Variants in GABBR2 observed in about 807,000 individuals in gnomAD.
GABBR2 encodes the protein G-protein coupled receptor 51.
GABBR2 carries 23 observed loss-of-function variants against 105.6 expected under a neutral mutation model. The observed-to-expected ratio is 0.22, with a 90% CI of 0.16 to 0.31. The LOEUF (loss-of-function observed/expected upper bound fraction) is 0.31. GABBR2 is among the 10% of genes least tolerant of loss of function. The pLI, the probability that GABBR2 is intolerant of heterozygous loss-of-function variation, is 1.00. For missense variants in GABBR2, 734 were observed against 1,245.5 expected, an observed-to-expected ratio of 0.59 and a Z score of 6.18; for synonymous variants, 478 against 499.7, an observed-to-expected ratio of 0.96 and a Z score of 0.58.
chr9:98,396,037 A>G (rs1019351783), intron 8 of GABBR2, among the ~76,000 whole-genome samples: 1 of 152,198 alleles, frequency 6.6e-6, no homozygotes, highest in Non-Finnish European at 1.5e-5. Flanking sequence ...CTAGGGCCCC[A>G]GTGGTAATAA....
intron 1 of GABBR2, among the ~76,000 whole-genome samples, chr9:98,706,100 CAAAAAAAACAAAAAA>C (rs1830889044): frequency 2.2e-4 from 7 of 31,268 alleles, no homozygotes; most frequent in Non-Finnish European, 4.8e-4. Flanking sequence ...CAAAACAAAA[CAAAAAAAACAAAAAA>C]AAAAAAAAAA....
intron 1 of GABBR2, among the ~76,000 whole-genome samples, chr9:98,672,404 A>G (rs922115758): frequency 1.3e-5 from 2 of 152,252 alleles, no homozygotes; most frequent in Non-Finnish European, 2.9e-5. Context: ...TTAAGTGAGA[A>G]CACAGAAATA....
rs560909596 is a variant in GABBR2 at position 98,659,274 on chromosome 9, A to AT, written c.321+49142dup. On this transcript the variant is annotated intron_variant, in intron 1 of 18. Transcript: ENST00000259455. ...AGTTCTCCCTTTTGCATATTTTACA[A>AT]TTTTCCAGCTGAGCTATTTATTTTA... Among the ~76,000 whole-genome samples the AT allele has an allele frequency of 2.6e-4, 40 of 152,218 alleles. 2 individuals carry two copies. The South Asian group carries it at 8.1e-3, about 31-fold the overall frequency.
Position 98,454,175 on chromosome 9 carries a change from C to T in GABBR2, c.1042G>A (p.Gly348Ser), listed in dbSNP as rs2131603743. Residue 348 changes from glycine (G) to serine (S), a missense_variant, in exon 7 of 19, where the codon GGC becomes AGC. Coordinates refer to ENST00000259455, the MANE Select transcript of GABBR2 (RefSeq NM_005458.8). The surrounding 1 kb of genome is among the most constrained non-coding windows in gnomAD (Gnocchi z 4.6). ...CCGTGGAACTTGCTGGGCCCCACGC[C>T]TGACCGCTTGTTGTTGTACTCTCTC... ...YEREYNNKRS[G>S]VGPSKFHGYA... 1.2e-6 allele frequency: 2 copies of T among 1,614,158 alleles called. No homozygotes were observed. Among genetic ancestry groups the T allele is most frequent in the Admixed American group, 3.3e-5 (2 of 60,026 alleles).
intron 4 of GABBR2, among the ~76,000 whole-genome samples, chr9:98,484,384 G>A (rs1156892201): frequency 6.6e-6 from 1 of 152,150 alleles, no homozygotes; most frequent in Non-Finnish European, 1.5e-5. Flanking sequence ...TCTCACTTTG[G>A]TTCTCCTTGA....
At chr9:98,653,522 T>C (rs1830137864) in intron 1 of GABBR2, among the ~76,000 whole-genome samples, 1 of 152,202 alleles carries the variant, frequency 6.6e-6, no homozygotes, top group African/African-American at 2.4e-5. Flanking sequence ...AAATGTAACC[T>C]CCATGATTCC....
intron 3 of GABBR2, among the ~76,000 whole-genome samples, chr9:98,499,910 G>C (rs189036765): frequency 3.0e-4 from 45 of 152,302 alleles, no homozygotes; most frequent in Non-Finnish European, 5.1e-4. Context: ...AAATTAGCCA[G>C]GCATTAGTGG....
intron 3 of GABBR2, among the ~76,000 whole-genome samples, chr9:98,509,215 G>C (rs1011281429): frequency 6.6e-6 from 1 of 152,142 alleles, no homozygotes; most frequent in African/African-American, 2.4e-5. Flanking sequence ...GGTCCTGTCC[G>C]TTAGAAGGAA....
chr9:98,338,021 C>T (rs1856038), intron 13 of GABBR2, among the ~76,000 whole-genome samples: 66,740 of 151,866 alleles, frequency 0.44, 14,822 homozygotes, highest in African/African-American at 0.47. Flanking sequence ...AACTCCGTCT[C>T]GAAAAAACCA....
At chr9:98,595,996 A>G (rs963560950) in intron 1 of GABBR2, among the ~76,000 whole-genome samples, 4 of 152,196 alleles carry the variant, frequency 2.6e-5, no homozygotes, top group Non-Finnish European at 4.4e-5. Flanking sequence ...TTCTTCTGGA[A>G]GTCTTTGCCA....
intron 1 of GABBR2, chr9:98,607,236 A>G: frequency 8.6e-6 from 12 of 1,401,742 alleles, no homozygotes; most frequent in South Asian, 1.1e-5. Flanking sequence ...CTACATTGAT[A>G]ATAAACTTGA....
intron 3 of GABBR2, among the ~76,000 whole-genome samples, chr9:98,513,479 A>C (rs1210900500): frequency 6.6e-6 from 1 of 151,800 alleles, no homozygotes; most frequent in Non-Finnish European, 1.5e-5. Flanking sequence ...AACCTACAGA[A>C]TGGGAGAAAA....
At chr9:98,525,772 A>T (rs1180880201) in intron 3 of GABBR2, among the ~76,000 whole-genome samples, 1 of 152,254 alleles carries the variant, frequency 6.6e-6, no homozygotes, top group Non-Finnish European at 1.5e-5. Flanking sequence ...TGAAATGTCC[A>T]TCAACTGATG....
At chr9:98,626,890 A>C (rs906922627) in intron 1 of GABBR2, among the ~76,000 whole-genome samples, 2 of 152,170 alleles carry the variant, frequency 1.3e-5, no homozygotes, top group African/African-American at 4.8e-5. Flanking sequence ...GGAGGGCTGA[A>C]CCAGCACAGA....
chr9:98,487,553 T>C (rs1416181802), intron 4 of GABBR2, among the ~76,000 whole-genome samples: 1 of 152,072 alleles, frequency 6.6e-6, no homozygotes, highest in African/African-American at 2.4e-5. Context: ...GGCAGGAGAA[T>C]CACTTGAGCT....
chr9:98,426,876 G>A (rs1717830830), intron 7 of GABBR2, among the ~76,000 whole-genome samples: 1 of 152,284 alleles, frequency 6.6e-6, no homozygotes, highest in Middle Eastern at 3.4e-3. Context: ...GGTAACCTAT[G>A]TCTGTAATCC....
intron 1 of GABBR2, among the ~76,000 whole-genome samples, chr9:98,669,818 G>A (rs1290562242): frequency 6.6e-6 from 1 of 152,080 alleles, no homozygotes; most frequent in Non-Finnish European, 1.5e-5. Context: ...CACAGTCAAT[G>A]GGGCATGTAC....
chr9:98,640,989 C>A (rs1564138572), intron 1 of GABBR2, among the ~76,000 whole-genome samples: 2 of 152,182 alleles, frequency 1.3e-5, no homozygotes, highest in Admixed American at 1.3e-4. Context: ...TGATTCTCAA[C>A]CCTTAGCACA....
chr9:98,512,643 T>C (rs1237896093), intron 3 of GABBR2, among the ~76,000 whole-genome samples: 14 of 152,002 alleles, frequency 9.2e-5, no homozygotes, highest in Admixed American at 1.3e-4. Flanking sequence ...CATGAGTGAA[T>C]TCCCATTCAC....
Sources: allele counts gnomAD v4.1 joint callset (sites outside exome capture counted in the v4.1 genomes callset), GRCh38; gene constraint gnomAD v4.1.1; non-coding constraint Gnocchi (gnomAD v3.1); transcripts MANE v1.5; gene names NCBI Gene and HGNC (gene_info 2026-07-23, HGNC 2026-07-21).